Variants in DOCK1 observed in about 807,000 individuals in gnomAD.
The protein encoded by DOCK1 is dedicator of cytokinesis protein 1.
In DOCK1, 138 loss-of-function variants were observed where a neutral mutation model predicts 262.7. The observed-to-expected ratio is 0.53, with a 90% CI of 0.46 to 0.61. DOCK1 has a LOEUF of 0.61. Ranked by LOEUF, DOCK1 falls within the 20% of genes least tolerant of loss-of-function variation. The pLI, the probability that DOCK1 is intolerant of heterozygous loss-of-function variation, is 0.00. For synonymous variants in DOCK1, 866 were observed against 867.4 expected, an observed-to-expected ratio of 1.00 and a Z score of 0.03; for missense variants, 1,908 against 2,370.7, an observed-to-expected ratio of 0.80 and a Z score of 4.05.
intron 27 of DOCK1, among the ~76,000 whole-genome samples, chr10:127,228,889 A>G (rs968594562): frequency 1.4e-4 from 22 of 152,192 alleles, no homozygotes; most frequent in Admixed American, 5.2e-4. Flanking sequence ...GCTAACTAAC[A>G]TGCATTCTCT....
At chr10:127,217,601 T>G (rs2058269599) in intron 27 of DOCK1, among the ~76,000 whole-genome samples, 1 of 152,248 alleles carries the variant, frequency 6.6e-6, no homozygotes, top group Non-Finnish European at 1.5e-5. Context: ...TGATAAAGTC[T>G]TGTTTCAGAT....
intron 27 of DOCK1, among the ~76,000 whole-genome samples, chr10:127,164,093 G>A (rs2053844550): frequency 6.6e-6 from 1 of 150,910 alleles, no homozygotes; most frequent in African/African-American, 2.4e-5. Context: ...AGGGGACGCA[G>A]GGGTCAGCCG....
chr10:127,067,968 C>T (rs547897105), intron 23 of DOCK1, among the ~76,000 whole-genome samples: 1 of 152,128 alleles, frequency 6.6e-6, no homozygotes, highest in African/African-American at 2.4e-5. Flanking sequence ...GTTTGTCTTC[C>T]TTCTGGGGCA....
intron 18 of DOCK1, among the ~76,000 whole-genome samples, chr10:127,036,278 T>C (rs72834632): frequency 6.6e-6 from 1 of 152,288 alleles, no homozygotes; most frequent in Non-Finnish European, 1.5e-5. Context: ...CACTTGGGCG[T>C]CTTCCACGGG....
chr10:127,029,335 G>C (rs1184036162), intron 16 of DOCK1, among the ~76,000 whole-genome samples: 1 of 152,224 alleles, frequency 6.6e-6, no homozygotes, highest in Non-Finnish European at 1.5e-5. Context: ...GGCCACATTG[G>C]TCCCCACTTG....
chr10:126,967,596 C>G (rs2037766776), intron 1 of DOCK1, among the ~76,000 whole-genome samples: 1 of 152,038 alleles, frequency 6.6e-6, no homozygotes, highest in African/African-American at 2.4e-5. Flanking sequence ...GTCAGTGGCC[C>G]ATGCTCCCAC....
At chr10:127,218,983 C>G (rs1019751399) in intron 27 of DOCK1, among the ~76,000 whole-genome samples, 2 of 152,240 alleles carry the variant, frequency 1.3e-5, no homozygotes, top group Admixed American at 6.5e-5. Flanking sequence ...TAAGTGAAAC[C>G]TCTTTTTTAA....
At chr10:127,157,517 C>T (rs2053199748) in intron 27 of DOCK1, among the ~76,000 whole-genome samples, 1 of 152,240 alleles carries the variant, frequency 6.6e-6, no homozygotes, top group South Asian at 2.1e-4. Context: ...TCTATAACAT[C>T]ATTTTCACTC....
intron 15 of DOCK1, 117 bp downstream of exon 15, chr10:127,024,900 G>C: frequency 1.3e-6 from 1 of 793,200 alleles, no homozygotes; most frequent in Non-Finnish European, 1.9e-6. Context: ...CAGGCAGAGT[G>C]TCTCCCAACA....
chr10:127,069,202 C>G (rs2046062072), intron 23 of DOCK1, among the ~76,000 whole-genome samples: 1 of 152,214 alleles, frequency 6.6e-6, no homozygotes, highest in South Asian at 2.1e-4. Flanking sequence ...TTTTCCACTT[C>G]CTTCTATGCT....
At chr10:127,371,832 C>G (rs905708552) in intron 33 of DOCK1, among the ~76,000 whole-genome samples, 1 of 152,042 alleles carries the variant, frequency 6.6e-6, no homozygotes, top group Non-Finnish European at 1.5e-5. Context: ...GTATGTGATT[C>G]CAAAAAGAAC....
At chr10:127,309,242 A>C (rs2061978918) in intron 29 of DOCK1, among the ~76,000 whole-genome samples, 1 of 151,710 alleles carries the variant, frequency 6.6e-6, no homozygotes, top group Non-Finnish European at 1.5e-5. Context: ...CCTTCTTTTG[A>C]GAAATGTCTG....
chr10:127,063,443 C>A (rs2045665123), intron 23 of DOCK1, among the ~76,000 whole-genome samples: 1 of 151,934 alleles, frequency 6.6e-6, no homozygotes, highest in Admixed American at 6.6e-5. Flanking sequence ...TTTGGTGGAG[C>A]CATTTGGACT....
At position 127,076,942 on chromosome 10, in the gene DOCK1, G is replaced by A. The variant is rs1409141260; in HGVS notation, c.2445+15166G>A. Among the ~76,000 whole-genome samples, 6 of 152,300 alleles carry A rather than the reference G, an allele frequency of 3.9e-5. No individual in the cohort carries two copies. The East Asian group carries it at 1.2e-3, about 29-fold the overall frequency. On this transcript the variant is annotated intron_variant, in intron 23 of 51. Coordinates refer to ENST00000623213, the MANE Select transcript of DOCK1 (RefSeq NM_001290223.2). Reference sequence around the variant, plus strand: ...CCTGGAGTTTCACTGCTGTCTGCAGGCCTTTGAGAACAGAGGCAGGGAGGT... The same window carrying A: ...CCTGGAGTTTCACTGCTGTCTGCAGACCTTTGAGAACAGAGGCAGGGAGGT...
intron 49 of DOCK1, among the ~76,000 whole-genome samples, chr10:127,441,579 TCCTAGCAG>T (rs1458266543): frequency 6.6e-6 from 1 of 152,100 alleles, no homozygotes; most frequent in African/African-American, 2.4e-5. Flanking sequence ...ACCTGAAGTT[TCCTAGCAG>T]GCGGCTGCGT....
At chr10:127,062,933 AG>A (rs1224876539) in intron 23 of DOCK1, among the ~76,000 whole-genome samples, 1 of 152,120 alleles carries the variant, frequency 6.6e-6, no homozygotes, top group Non-Finnish European at 1.5e-5. Context: ...GTCCTTTGGA[AG>A]AAAGATCCCT....
At chr10:127,114,860 G>A (rs1194053070) in intron 25 of DOCK1, among the ~76,000 whole-genome samples, 3 of 150,446 alleles carry the variant, frequency 2.0e-5, no homozygotes, top group African/African-American at 7.3e-5. Flanking sequence ...GGGTTCAATC[G>A]ATTCTCCTGC....
intron 29 of DOCK1, among the ~76,000 whole-genome samples, chr10:127,276,016 A>C (rs2060728932): frequency 6.6e-6 from 1 of 152,216 alleles, no homozygotes; most frequent in South Asian, 2.1e-4. Context: ...GAGGCCTCAC[A>C]AGTAGAAGAG....
At chr10:127,283,628 A>T (rs2061042678) in intron 29 of DOCK1, among the ~76,000 whole-genome samples, 1 of 152,216 alleles carries the variant, frequency 6.6e-6, no homozygotes, top group Admixed American at 6.5e-5. Context: ...TTTCATAATC[A>T]TGGTGTAATA....
Sources: gnomAD v4.1 joint callset for allele counts (sites outside exome capture counted in the v4.1 genomes callset) on GRCh38, gnomAD v4.1.1 for gene constraint, MANE v1.5 for transcripts, NCBI Gene and HGNC (gene_info 2026-07-23, HGNC 2026-07-21) for gene names.